The following PSMD1 variants were observed in gnomAD, a reference collection of about 807,000 sequenced individuals.
PSMD1 encodes the protein proteasome 26S subunit, non-ATPase 1.
PSMD1 carries 18 observed loss-of-function variants against 119.0 expected under a neutral mutation model. That is an observed-to-expected ratio of 0.15 (90% CI 0.10 to 0.22). The LOEUF (loss-of-function observed/expected upper bound fraction) is 0.22. Ranked by LOEUF, PSMD1 falls within the 10% of genes least tolerant of loss-of-function variation. PSMD1 has a pLI of 1.00. For missense variants in PSMD1, 702 were observed against 1,158.5 expected (o/e 0.61, Z 5.72); for synonymous variants, 374 against 396.6 (o/e 0.94, Z 0.68).
chr2:231,077,045 T>C lies in PSMD1; in HGVS notation c.954T>C (p.Pro318=). ...VGKTPEASPE[P]KDQTLKMIKI... is the part of the protein sequence containing the mutation. ...GTTTGTTTTGGCAGAGTCCAGAGCC[T>C]AAGGACCAGACTTTGAAAATGATTA... Residue 318 remains proline, a synonymous_variant, in exon 9 of 25, where the codon CCT becomes CCC. Coordinates refer to ENST00000308696, the MANE Select transcript of PSMD1 (RefSeq NM_002807.4). 1 of 1,601,192 alleles carries C rather than the reference T, an allele frequency of 6.2e-7. No individual in the cohort carries two copies. The highest frequency in any genetic ancestry group is 8.5e-7 in the Non-Finnish European group (1 of 1,176,050).
intron 18 of PSMD1, among the ~76,000 whole-genome samples, chr2:231,147,329 T>C (rs945809491): frequency 2.0e-5 from 3 of 151,998 alleles, no homozygotes; most frequent in Non-Finnish European, 2.9e-5. Context: ...GCCCCATCAC[T>C]ACAAAGAATT....
intron 16 of PSMD1, among the ~76,000 whole-genome samples, chr2:231,111,024 T>C (rs1158898905): frequency 6.6e-6 from 1 of 152,240 alleles, no homozygotes; most frequent in Non-Finnish European, 1.5e-5. Flanking sequence ...CTTAATACTT[T>C]CTTCTCCATC....
intron 16 of PSMD1, among the ~76,000 whole-genome samples, chr2:231,136,613 C>G (rs1042001769): frequency 6.6e-6 from 1 of 152,162 alleles, no homozygotes; most frequent in African/African-American, 2.4e-5. Context: ...ACCTGACATT[C>G]AAGACACTGT....
chr2:231,076,434 A>G (rs563504519), intron 8 of PSMD1, among the ~76,000 whole-genome samples: 1 of 152,344 alleles, frequency 6.6e-6, no homozygotes, highest in South Asian at 2.1e-4. Context: ...TGGGAGGCCA[A>G]GGTGGGTGGA....
rs555744697 is a variant in PSMD1 at position 231,136,959 on chromosome 2, GTA to G, written c.1884-1767_1884-1766del. ...ATAATATATATTATATTTACATATA[GTA>G]TATATATATTATATATATTATATAA... is the stretch of plus-strand genomic sequence containing the variant. On this transcript the variant is annotated intron_variant, in intron 16 of 24. Coordinates refer to ENST00000308696, the MANE Select transcript of PSMD1 (RefSeq NM_002807.4). Among the ~76,000 whole-genome samples, 1,074 of 140,592 alleles carry G rather than the reference GTA, an allele frequency of 7.6e-3. 22 individuals are homozygous for G. The highest frequency in any genetic ancestry group is 0.027 in the African/African-American group (1,014 of 38,070). 92.2% of individuals were successfully genotyped at this position (140,592 alleles called of 152,430 possible). A position where few individuals can be genotyped will look rare whatever the true frequency, so the allele number is the denominator to read the frequency against.
intron 23 of PSMD1, among the ~76,000 whole-genome samples, chr2:231,169,864 A>C (rs1337861912): frequency 6.6e-6 from 1 of 152,206 alleles, no homozygotes; most frequent in Non-Finnish European, 1.5e-5. Flanking sequence ...AGGGCTTAAT[A>C]GAATTGCTGC....
chr2:231,083,202 G>A (rs1694356156), intron 13 of PSMD1, among the ~76,000 whole-genome samples: 1 of 152,182 alleles, frequency 6.6e-6, no homozygotes, highest in African/African-American at 2.4e-5. Flanking sequence ...TATCCTGTGT[G>A]TCCACTTTCA....
chr2:231,157,320 A>T (rs985212387), intron 19 of PSMD1, among the ~76,000 whole-genome samples: 3 of 151,440 alleles, frequency 2.0e-5, no homozygotes, highest in Admixed American at 1.3e-4. Flanking sequence ...AGAAAAAAGA[A>T]TTAGGGGAGG....
chr2:231,067,161 A>G, intron 5 of PSMD1, 50 bp downstream of exon 5: 3 of 1,387,828 alleles, frequency 2.2e-6, no homozygotes, highest in Non-Finnish European at 2.9e-6. Flanking sequence ...GGAATCAGCA[A>G]AGCAAGTTAT....
chr2:231,122,367 G>T (rs1462922986), intron 16 of PSMD1, among the ~76,000 whole-genome samples: 1 of 152,012 alleles, frequency 6.6e-6, no homozygotes, highest in Non-Finnish European at 1.5e-5. Context: ...AATAGCAGGG[G>T]TTTTTTACCT....
chr2:231,152,474 G>T (rs927590610), intron 18 of PSMD1, among the ~76,000 whole-genome samples: 6 of 152,102 alleles, frequency 3.9e-5, no homozygotes, highest in African/African-American at 1.4e-4. Flanking sequence ...TGTAAGGTAG[G>T]TGCTAACATC....
intron 18 of PSMD1, 87 bp downstream of exon 18, chr2:231,146,443 C>G: frequency 1.1e-6 from 1 of 942,038 alleles, no homozygotes; most frequent in Non-Finnish European, 1.7e-6. Flanking sequence ...TTTTTTAGTT[C>G]AAATATGGTA....
At chr2:231,135,192 T>G (rs1293870813) in intron 16 of PSMD1, among the ~76,000 whole-genome samples, 1 of 152,206 alleles carries the variant, frequency 6.6e-6, no homozygotes, top group Non-Finnish European at 1.5e-5. Flanking sequence ...AATGGTAGTT[T>G]CAACTACAAG....
intron 16 of PSMD1, among the ~76,000 whole-genome samples, chr2:231,092,296 C>T (rs140131803): frequency 2.0e-3 from 299 of 152,170 alleles, no homozygotes; most frequent in African/African-American, 5.6e-3. Flanking sequence ...TAATTAGTGA[C>T]GCATGAGGCA....
At chr2:231,154,304 T>C (rs1219003248) in intron 19 of PSMD1, among the ~76,000 whole-genome samples, 2 of 151,310 alleles carry the variant, frequency 1.3e-5, no homozygotes, top group Non-Finnish European at 2.9e-5. Context: ...AGTGGTGGCA[T>C]GCACCTGTAA....
At chr2:231,081,144 TAAA>T (rs368987456) in intron 12 of PSMD1, among the ~76,000 whole-genome samples, 5 of 74,042 alleles carry the variant, frequency 6.8e-5, no homozygotes, top group African/African-American at 1.0e-4. Context: ...AAACTCTGTC[TAAA>T]AAAAAAAAAA....
At chr2:231,108,770 T>C in intron 16 of PSMD1, 1 of 1,614,156 alleles carries the variant, frequency 6.2e-7, no homozygotes, top group Non-Finnish European at 8.5e-7. Flanking sequence ...GGCCCGGTAA[T>C]TGCAGGTGAT....
intron 18 of PSMD1, among the ~76,000 whole-genome samples, chr2:231,150,129 C>G (rs182301199): frequency 6.6e-6 from 1 of 151,944 alleles, no homozygotes; most frequent in South Asian, 2.1e-4. Flanking sequence ...GTGGATCACG[C>G]GGTCAGGAGT....
chr2:231,148,794 A>G (rs1046972880), intron 18 of PSMD1, among the ~76,000 whole-genome samples: 2 of 152,234 alleles, frequency 1.3e-5, no homozygotes, highest in Non-Finnish European at 2.9e-5. Flanking sequence ...AGTTTATATC[A>G]TCTTTCCTTT....
Sources: allele counts gnomAD v4.1 joint callset (sites outside exome capture counted in the v4.1 genomes callset), GRCh38; gene constraint gnomAD v4.1.1; transcripts MANE v1.5; gene names NCBI Gene and HGNC (gene_info 2026-07-23, HGNC 2026-07-21).